EYA1: variants seen among roughly 807,000 people sequenced by gnomAD.
EYA1 encodes the protein protein phosphatase EYA1.
Under a neutral mutation model 82.0 loss-of-function variants are expected in EYA1, and 16 were observed. That is an observed-to-expected ratio of 0.20 (90% CI 0.13 to 0.30). The LOEUF (loss-of-function observed/expected upper bound fraction) is 0.30, where lower values mean the gene tolerates loss of function less well. Ranked by LOEUF, EYA1 falls within the 10% of genes least tolerant of loss-of-function variation. EYA1 has a pLI of 1.00. For missense variants in EYA1, 633 were observed against 730.7 expected (o/e 0.87, Z 1.54); for synonymous variants, 261 against 264.4 (o/e 0.99, Z 0.12).
chr8:71,221,985 C>T (rs894903425), intron 12 of EYA1, among the ~76,000 whole-genome samples: 3 of 152,154 alleles, frequency 2.0e-5, no homozygotes, highest in Admixed American at 6.5e-5. Flanking sequence ...GGGAACGGGG[C>T]GAGCATATAA....
In EYA1 at chr8:71,299,090, C is replaced by T. The variant is rs146648560; in HGVS notation, c.783G>A (p.Pro261=). The change falls in exon 9 of 18, where the codon CCG becomes CCA. Residue 261 remains proline (P), a synonymous_variant. Coordinates refer to ENST00000340726, the MANE Select transcript of EYA1 (RefSeq NM_000503.6). ...STNATYQLQE[P]PSGITSQAVT... is the part of the protein sequence containing the mutation. ...CTGCTTGGCTGGTGATGCCAGATGG[C>T]GGTTCTTGAAGCTGGTAAGTGGCAT... 251 of 1,613,912 alleles carry T rather than the reference C, an allele frequency of 1.6e-4. No homozygotes were observed. Among genetic ancestry groups the T allele is most frequent in the Middle Eastern group, 6.6e-4 (4 of 6,080 alleles).
At chr8:71,330,786 CAA>C in intron 4 of EYA1, among the ~76,000 whole-genome samples, 1 of 152,254 alleles carries the variant, frequency 6.6e-6, no homozygotes, top group African/African-American at 2.4e-5. Context: ...AAGAACAGCA[CAA>C]AAACTTCCCA....
chr8:71,536,084 A>C (rs952029540), intron 1 of EYA1, among the ~76,000 whole-genome samples: 1 of 152,210 alleles, frequency 6.6e-6, no homozygotes, highest in Non-Finnish European at 1.5e-5. Context: ...GCTGCAGCCC[A>C]AGGAAAGAAA....
At chr8:71,373,079 G>C (rs1828176691) in intron 2 of EYA1, among the ~76,000 whole-genome samples, 1 of 152,046 alleles carries the variant, frequency 6.6e-6, no homozygotes, top group South Asian at 2.1e-4. Flanking sequence ...TACAAAGCAA[G>C]GATCCCCATT....
At chr8:71,269,109 T>G (rs1329600284) in intron 11 of EYA1, among the ~76,000 whole-genome samples, 2 of 152,190 alleles carry the variant, frequency 1.3e-5, no homozygotes, top group Non-Finnish European at 2.9e-5. Context: ...TTCCAAACTT[T>G]TGGGATACCC....
chr8:71,331,462 G>A (rs189180620), intron 4 of EYA1, among the ~76,000 whole-genome samples: 1,731 of 144,256 alleles, frequency 0.012, 23 homozygotes, highest in African/African-American at 0.042. Flanking sequence ...GACTTTAAAA[G>A]TATTACTTTT....
intron 2 of EYA1, among the ~76,000 whole-genome samples, chr8:71,443,148 GATA>G (rs1806556844): frequency 6.6e-6 from 1 of 152,160 alleles, no homozygotes; most frequent in South Asian, 2.1e-4. Context: ...AGGACAGAAA[GATA>G]ATGATGAATA....
chr8:71,330,048 C>A (rs1020718911), intron 4 of EYA1, among the ~76,000 whole-genome samples: 1 of 152,070 alleles, frequency 6.6e-6, no homozygotes, highest in Non-Finnish European at 1.5e-5. Context: ...GTGTGGGGAG[C>A]ATGTCTACCA....
intron 2 of EYA1, among the ~76,000 whole-genome samples, chr8:71,472,729 T>A (rs1226414431): frequency 6.7e-6 from 1 of 148,596 alleles, no homozygotes; most frequent in Non-Finnish European, 1.5e-5. Context: ...AGCCGCACAT[T>A]TAACCAGTAT....
At chr8:71,384,968 C>G (rs967985775) in intron 2 of EYA1, among the ~76,000 whole-genome samples, 5 of 152,006 alleles carry the variant, frequency 3.3e-5, no homozygotes, top group African/African-American at 1.2e-4. Flanking sequence ...GGCAAGTAGA[C>G]CCTTATAAAT....
chr8:71,492,550 C>T (rs1416369319), intron 2 of EYA1, among the ~76,000 whole-genome samples: 4 of 151,312 alleles, frequency 2.6e-5, no homozygotes, highest in East Asian at 1.9e-4. Context: ...CTGCAAGCTC[C>T]GCCTCCCGGG....
intron 12 of EYA1, among the ~76,000 whole-genome samples, chr8:71,225,776 C>G (rs1000935506): frequency 6.6e-6 from 1 of 152,110 alleles, no homozygotes; most frequent in African/African-American, 2.4e-5. Context: ...CGAGAGGTGG[C>G]AATAAGATGC....
At chr8:71,411,929 C>T (rs903753989) in intron 2 of EYA1, among the ~76,000 whole-genome samples, 6 of 150,716 alleles carry the variant, frequency 4.0e-5, no homozygotes, top group Admixed American at 1.3e-4. Context: ...CACATGCACA[C>T]GTATGTTTAT....
At chr8:71,354,165 AAAT>A (rs558018270) in intron 3 of EYA1, among the ~76,000 whole-genome samples, 1 of 152,248 alleles carries the variant, frequency 6.6e-6, no homozygotes, top group African/African-American at 2.4e-5. Flanking sequence ...AATTACACAG[AAAT>A]AATTGTAATT....
chr8:71,443,942 T>C (rs1806638128), intron 2 of EYA1, among the ~76,000 whole-genome samples: 1 of 152,348 alleles, frequency 6.6e-6, no homozygotes, highest in South Asian at 2.1e-4. Context: ...CTTAACTATC[T>C]GTTTTCTCTA....
intron 9 of EYA1, among the ~76,000 whole-genome samples, chr8:71,283,961 T>C (rs1049359448): frequency 6.6e-6 from 1 of 152,250 alleles, no homozygotes; most frequent in Admixed American, 6.5e-5. Context: ...CCAGCTAGGC[T>C]GTACCAATAT....
intron 7 of EYA1, among the ~76,000 whole-genome samples, chr8:71,301,338 A>G (rs910375630): frequency 2.0e-5 from 3 of 152,218 alleles, no homozygotes; most frequent in Non-Finnish European, 4.4e-5. Context: ...CTAACAGATC[A>G]GATGAGGTAA....
chr8:71,283,307 C>T (rs1196130153), intron 9 of EYA1, among the ~76,000 whole-genome samples: 1 of 152,190 alleles, frequency 6.6e-6, no homozygotes, highest in Non-Finnish European at 1.5e-5. Context: ...TCAAGTGTCA[C>T]CCGATGGACA....
chr8:71,319,527 A>G (rs1586342908), intron 6 of EYA1, among the ~76,000 whole-genome samples: 1 of 152,216 alleles, frequency 6.6e-6, no homozygotes, highest in South Asian at 2.1e-4. Context: ...GGTAGAAAGC[A>G]CCCATAGCCA....
Sources: gnomAD v4.1 joint callset for allele counts (sites outside exome capture counted in the v4.1 genomes callset) on GRCh38, gnomAD v4.1.1 for gene constraint, MANE v1.5 for transcripts, NCBI Gene and HGNC (gene_info 2026-07-23, HGNC 2026-07-21) for gene names.